Variants in DNAH11 observed in about 807,000 individuals in gnomAD.
DNAH11 encodes axonemal beta dynein heavy chain 11.
A neutral mutation model predicts 526.0 loss-of-function variants in DNAH11; 442 were observed. The ratio of observed to expected loss-of-function variants is 0.84; its 90% CI spans 0.78 to 0.91. The LOEUF (loss-of-function observed/expected upper bound fraction) is 0.91, where lower values mean the gene tolerates loss of function less well. DNAH11 is among the 40% of genes least tolerant of loss of function. DNAH11 has a pLI of 0.00. For synonymous variants in DNAH11, 2,461 were observed against 1,935.9 expected, an observed-to-expected ratio of 1.27 and a Z score of -7.12; for missense variants, 6,989 against 5,448.7, an observed-to-expected ratio of 1.28 and a Z score of -8.90.
At chr7:21,814,066 T>A (rs536269093) in intron 63 of DNAH11, among the ~76,000 whole-genome samples, 1 of 152,306 alleles carries the variant, frequency 6.6e-6, no homozygotes, top group East Asian at 1.9e-4. Flanking sequence ...CTGCACAGCA[T>A]GTTATTTTAT....
chr7:21,706,146 T>C (rs967573329), intron 39 of DNAH11, among the ~76,000 whole-genome samples: 2 of 152,222 alleles, frequency 1.3e-5, no homozygotes, highest in African/African-American at 4.8e-5. Flanking sequence ...TATTATGTGC[T>C]GTGCTAGGTG....
intron 1 of DNAH11, among the ~76,000 whole-genome samples, chr7:21,544,209 G>C (rs1782716217): frequency 6.6e-6 from 1 of 152,070 alleles, no homozygotes; most frequent in Non-Finnish European, 1.5e-5. Flanking sequence ...ATCACCTAAC[G>C]TACAGCACTT....
chr7:21,660,757 A>G (rs1036046297), intron 30 of DNAH11, among the ~76,000 whole-genome samples: 1 of 152,066 alleles, frequency 6.6e-6, no homozygotes, highest in Non-Finnish European at 1.5e-5. Context: ...CTATTTATAT[A>G]TAAGTGTAAT....
intron 68 of DNAH11, among the ~76,000 whole-genome samples, chr7:21,856,489 G>T (rs143767802): frequency 9.1e-4 from 138 of 152,272 alleles, no homozygotes; most frequent in Non-Finnish European, 1.6e-3. Flanking sequence ...TGTCAGCCCA[G>T]TATTGCCCAA....
chr7:21,663,542 G>C (rs1402786272), intron 30 of DNAH11, among the ~76,000 whole-genome samples: 1 of 151,938 alleles, frequency 6.6e-6, no homozygotes, highest in Admixed American at 6.6e-5. Flanking sequence ...TCTCACTGTG[G>C]TTTTAATTTG....
chr7:21,864,875 G>A (rs190731854), intron 70 of DNAH11, among the ~76,000 whole-genome samples: 101 of 152,224 alleles, frequency 6.6e-4, no homozygotes, highest in Non-Finnish European at 1.2e-3. Flanking sequence ...TGTATGCGTG[G>A]AAAAGTTAAT....
chr7:21,809,989 C>T (rs182638746), intron 63 of DNAH11, among the ~76,000 whole-genome samples: 60 of 152,226 alleles, frequency 3.9e-4, no homozygotes, highest in Non-Finnish European at 7.4e-4. Context: ...GTGCTTTAAA[C>T]AGAAGTGATA....
At chr7:21,715,861 C>T (rs974121468) in intron 42 of DNAH11, among the ~76,000 whole-genome samples, 14 of 146,270 alleles carry the variant, frequency 9.6e-5, no homozygotes, top group Non-Finnish European at 7.4e-5. Flanking sequence ...TGATTTCCCC[C>T]TCCCACCCCC....
intron 65 of DNAH11, among the ~76,000 whole-genome samples, chr7:21,835,276 G>GCA (rs1781949846): frequency 6.8e-6 from 1 of 146,388 alleles, no homozygotes; most frequent in African/African-American, 2.5e-5. Flanking sequence ...CCTGAGTCCA[G>GCA]CATCACCCTG....
At chr7:21,732,620 A>T (rs1331461378) in intron 45 of DNAH11, among the ~76,000 whole-genome samples, 2 of 152,228 alleles carry the variant, frequency 1.3e-5, no homozygotes, top group Admixed American at 6.5e-5. Flanking sequence ...TCAACCCCTA[A>T]CAATGAGGAA....
rs1430178582 is a variant in DNAH11, at chr7:21,564,166, T to TG, written c.983-18dup. On this transcript the variant is annotated intron_variant, in intron 5 of 81. Coordinates refer to ENST00000409508, the MANE Select transcript of DNAH11 (RefSeq NM_001277115.2). ...AAAAAACAAACCAGAATCACGTTAA[T>TG]GGTGGTTCTTTGCTTTCAGCTCTTC... 20 of 1,497,788 alleles carry TG rather than the reference T, an allele frequency of 1.3e-5. No homozygotes were observed. The highest frequency in any genetic ancestry group is 1.8e-5 in the Non-Finnish European group (20 of 1,114,042). The allele number at this position is 1,497,788 out of a possible 1,614,324, so 92.8% of individuals were successfully genotyped here.
At chr7:21,786,301 CATGT>C (rs1285319364) in intron 58 of DNAH11, among the ~76,000 whole-genome samples, 197 of 115,690 alleles carry the variant, frequency 1.7e-3, no homozygotes, top group African/African-American at 7.1e-3. Context: ...AACATATACA[CATGT>C]GTGTGTGTGT....
At chr7:21,764,857 TA>T (rs1336343278) in intron 54 of DNAH11, among the ~76,000 whole-genome samples, 1 of 152,230 alleles carries the variant, frequency 6.6e-6, no homozygotes, top group East Asian at 1.9e-4. Flanking sequence ...GGAGAATGTT[TA>T]AACTGATTTT....
intron 66 of DNAH11, among the ~76,000 whole-genome samples, chr7:21,849,778 A>G (rs1239132027): frequency 6.6e-6 from 1 of 152,082 alleles, no homozygotes; most frequent in Non-Finnish European, 1.5e-5. Flanking sequence ...TTGAATATGC[A>G]ATGACTAAGA....
At chr7:21,900,569 TATC>T (rs1473044499) in intron 81 of DNAH11, among the ~76,000 whole-genome samples, 1 of 152,214 alleles carries the variant, frequency 6.6e-6, no homozygotes, top group Non-Finnish European at 1.5e-5. Flanking sequence ...TTTCCAAATT[TATC>T]TGGCCATGCA....
chr7:21,717,003 T>C (rs2128482707), intron 42 of DNAH11, among the ~76,000 whole-genome samples: 1 of 152,292 alleles, frequency 6.6e-6, no homozygotes, highest in Middle Eastern at 3.4e-3. Context: ...TGCTGGCTGC[T>C]AAATGTATTT....
At position 21,773,866 on chromosome 7, in the gene DNAH11, A is replaced by C. The variant is rs762894594; in HGVS notation, c.9203A>C (p.Tyr3068Ser). Residue 3068 changes from tyrosine to serine, a missense_variant, in exon 56 of 82, where the codon TAT (tyrosine) becomes TCT (serine). Physicochemically the swap from Tyr to Ser is moderately radical, Grantham distance 144 (BLOSUM62 -2). Coordinates refer to ENST00000409508, the MANE Select transcript of DNAH11 (RefSeq NM_001277115.2). ...RYYQNERRHNYTTPKSFLEQI... is the reference protein window; with the variant it reads ...RYYQNERRHNSTTPKSFLEQI... ...TACCAGAATGAGAGAAGACACAACT[A>C]TACCACCCCAAAGAGTTTTCTAGAA... is the stretch of plus-strand genomic sequence containing the variant. The C allele has an allele frequency of 6.2e-7, 1 of 1,607,560 alleles. No homozygotes were observed. The highest frequency in any genetic ancestry group is 2.2e-5 in the East Asian group (1 of 44,670).
intron 61 of DNAH11, among the ~76,000 whole-genome samples, chr7:21,800,330 G>A (rs532068481): frequency 3.3e-5 from 5 of 152,074 alleles, no homozygotes; most frequent in South Asian, 4.2e-4. Flanking sequence ...CAGTCCCTAC[G>A]TCCAGAAGAG....
chr7:21,873,591 A>G, intron 74 of DNAH11, 90 bp downstream of exon 74: 1 of 1,260,132 alleles, frequency 7.9e-7, no homozygotes, highest in Non-Finnish European at 1.1e-6. Flanking sequence ...CATGTCATTG[A>G]GAGGGATGAA....
Sources: gnomAD v4.1 joint callset for allele counts (sites outside exome capture counted in the v4.1 genomes callset) on GRCh38, gnomAD v4.1.1 for gene constraint, MANE v1.5 for transcripts, NCBI Gene and HGNC (gene_info 2026-07-23, HGNC 2026-07-21) for gene names.